Variants in ERC2 observed in about 807,000 individuals in gnomAD.
The protein encoded by ERC2 is ELKS/RAB6-interacting/CAST family member 2, also known as ERC protein 2.
In ERC2, 42 loss-of-function variants were observed where a neutral mutation model predicts 114.8. The observed-to-expected ratio is 0.37, with a 90% CI of 0.29 to 0.47. The LOEUF (loss-of-function observed/expected upper bound fraction) is 0.47, where lower values mean the gene tolerates loss of function less well. Ranked by LOEUF, ERC2 falls within the 20% of genes least tolerant of loss-of-function variation. The probability of loss-of-function intolerance (pLI) is 0.99; values close to 1 mark genes in which losing one functional copy is unlikely to be tolerated. For missense variants in ERC2, 939 were observed against 1,150.7 expected (o/e 0.82, Z 2.66); for synonymous variants, 454 against 425.5 (o/e 1.07, Z -0.82).
chr3:56,188,924 A>T (rs994269067), intron 3 of ERC2, among the ~76,000 whole-genome samples: 8 of 152,210 alleles, frequency 5.3e-5, no homozygotes, highest in African/African-American at 1.7e-4. Context: ...CACAAAATTT[A>T]ATAACATCTT....
At position 55,927,438 on chromosome 3, in the gene ERC2, T is replaced by C. The variant is rs377763321; in HGVS notation, c.2403+22987A>G. Among the ~76,000 whole-genome samples the C allele has an allele frequency of 1.2e-4, 18 of 152,294 alleles. No homozygotes were observed. The East Asian group carries it at 3.1e-3, about 26-fold the overall frequency. On this transcript the variant is annotated intron_variant, in intron 13 of 17. Coordinates refer to ENST00000288221, the MANE Select transcript of ERC2 (RefSeq NM_015576.3). ...TGCTTTTTATGGCAGGGGGTGTTTGTACTTTTTACATTTTTATTTTCAATT... is the reference window on the plus strand; with the variant it reads ...TGCTTTTTATGGCAGGGGGTGTTTGCACTTTTTACATTTTTATTTTCAATT...
chr3:56,296,381 G>A lies in ERC2; in HGVS notation c.712C>T (p.Leu238Phe). 4 of 1,613,990 alleles carry A rather than the reference G, an allele frequency of 2.5e-6. No individual in the cohort carries two copies. The highest frequency in any genetic ancestry group is 3.4e-6 in the Non-Finnish European group (4 of 1,179,888). ...CTCTCTTGCTGGAGGAGGTGGTTGAGGTCTCTCTGGGTTCGCAGCTCATCT... is the reference window on the plus strand; with the variant it reads ...CTCTCTTGCTGGAGGAGGTGGTTGAAGTCTCTCTGGGTTCGCAGCTCATCT... The part of the protein sequence containing the change: ...LQDELRTQRD[L>F]NHLLQQESGN... Residue 238 changes from leucine to phenylalanine, a missense_variant, in exon 3 of 18, where the codon CTC (leucine) becomes TTC (phenylalanine). Coordinates refer to ENST00000288221, the MANE Select transcript of ERC2 (RefSeq NM_015576.3).
intron 17 of ERC2, among the ~76,000 whole-genome samples, chr3:55,673,339 C>T (rs529766108): frequency 2.6e-5 from 4 of 152,296 alleles, no homozygotes; most frequent in Non-Finnish European, 4.4e-5. Context: ...AATCCCAGCA[C>T]TTTGGGAGGC....
intron 14 of ERC2, among the ~76,000 whole-genome samples, chr3:55,760,558 G>A (rs1270737580): frequency 6.6e-6 from 1 of 152,130 alleles, no homozygotes; most frequent in South Asian, 2.1e-4. Context: ...GAGAAAGATG[G>A]CTGAACTATA....
At chr3:56,160,990 C>T (rs893614780) in intron 4 of ERC2, among the ~76,000 whole-genome samples, 9 of 152,120 alleles carry the variant, frequency 5.9e-5, no homozygotes, top group African/African-American at 2.2e-4. Flanking sequence ...TGTTGAAATA[C>T]GATTCCCAAT....
chr3:56,040,611 A>AATATATACATGTATATGTATATATAC (rs2075104824), intron 7 of ERC2, among the ~76,000 whole-genome samples: 9 of 33,116 alleles, frequency 2.7e-4, no homozygotes, highest in Non-Finnish European at 4.3e-4. Context: ...ATGTATATAT[A>AATATATACATGTATATGTATATATAC]ATATATAGAT....
At chr3:55,799,026 T>C (rs2070757399) in intron 14 of ERC2, among the ~76,000 whole-genome samples, 1 of 152,132 alleles carries the variant, frequency 6.6e-6, no homozygotes, top group Non-Finnish European at 1.5e-5. Flanking sequence ...AAGAGGGTGG[T>C]ACACAGAGTT....
intron 14 of ERC2, among the ~76,000 whole-genome samples, chr3:55,767,019 A>C (rs116560120): frequency 1.9e-4 from 29 of 152,268 alleles, no homozygotes; most frequent in African/African-American, 7.0e-4. Context: ...TTCAACTAAC[A>C]AATATTTATT....
At chr3:56,170,501 T>G (rs1328346051) in intron 4 of ERC2, among the ~76,000 whole-genome samples, 2 of 152,006 alleles carry the variant, frequency 1.3e-5, no homozygotes, top group Admixed American at 6.6e-5. Flanking sequence ...CAATGGGGGT[T>G]GAAGCTCACC....
At chr3:55,585,674 A>G (rs1405123373) in intron 17 of ERC2, among the ~76,000 whole-genome samples, 2 of 152,164 alleles carry the variant, frequency 1.3e-5, no homozygotes, top group Non-Finnish European at 2.9e-5. Context: ...TAACAAAATC[A>G]TGTAATTGTT....
At position 56,019,039 on chromosome 3, in the gene ERC2, T is replaced by C. The variant is rs1444784928; in HGVS notation, c.1642-8A>G. 1 of 1,595,608 alleles carries C rather than the reference T, an allele frequency of 6.3e-7. No individual in the cohort carries two copies. The highest frequency in any genetic ancestry group is 1.1e-5 in the South Asian group (1 of 88,526). ...TTCTTGCAAGTTTTCAATCTAAAAA[T>C]AAAAATCAATATTTTAATGCATATT... On this transcript the variant is annotated splice_polypyrimidine_tract_variant and splice_region_variant and intron_variant, in intron 7 of 17. Coordinates refer to ENST00000288221, the MANE Select transcript of ERC2 (RefSeq NM_015576.3).
At chr3:56,410,162 A>C (rs2060887187) in intron 2 of ERC2, among the ~76,000 whole-genome samples, 1 of 152,232 alleles carries the variant, frequency 6.6e-6, no homozygotes, top group African/African-American at 2.4e-5. Flanking sequence ...GGCTTTCTTA[A>C]AAATTATATG....
At chr3:55,669,766 T>G (rs1292753427) in intron 17 of ERC2, among the ~76,000 whole-genome samples, 2 of 152,232 alleles carry the variant, frequency 1.3e-5, no homozygotes, top group Non-Finnish European at 2.9e-5. Context: ...CAGGTGGTTT[T>G]TGGTGCATAG....
At chr3:56,040,569 ATATATGTATACATATACATATATATC>A (rs1484678518) in intron 7 of ERC2, among the ~76,000 whole-genome samples, 2 of 846 alleles carry the variant, frequency 2.4e-3, no homozygotes, top group South Asian at 0.022. Flanking sequence ...ATAGAGATGT[ATATATGTATACATATACATATATATC>A]TATATATGTA....
intron 13 of ERC2, among the ~76,000 whole-genome samples, chr3:55,922,337 T>TG (rs2065477097): frequency 6.6e-6 from 1 of 151,608 alleles, no homozygotes; most frequent in Non-Finnish European, 1.5e-5. Context: ...GCCTCCACAC[T>TG]GAAAAAAAAA....
At chr3:55,799,063 A>G (rs1004014553) in intron 14 of ERC2, among the ~76,000 whole-genome samples, 2 of 152,102 alleles carry the variant, frequency 1.3e-5, no homozygotes, top group Non-Finnish European at 2.9e-5. Flanking sequence ...TCTATATAAT[A>G]TGGAAGGGGG....
chr3:56,455,963 C>G (rs912899954), intron 1 of ERC2, among the ~76,000 whole-genome samples: 4 of 151,938 alleles, frequency 2.6e-5, no homozygotes, highest in Non-Finnish European at 4.4e-5. Context: ...AGCAAGAAGA[C>G]CCCCCCAGGA....
chr3:55,563,315 C>T (rs965350802), intron 17 of ERC2, among the ~76,000 whole-genome samples: 1 of 151,118 alleles, frequency 6.6e-6, no homozygotes, highest in African/African-American at 2.4e-5. Context: ...AGTATGCATC[C>T]TGAGTGTCTT....
chr3:55,594,205 A>G (rs1317748771), intron 17 of ERC2, among the ~76,000 whole-genome samples: 1 of 152,182 alleles, frequency 6.6e-6, no homozygotes, highest in East Asian at 1.9e-4. Flanking sequence ...AAGAGATGGC[A>G]GATACATGTT....
Sources: gnomAD v4.1 joint callset for allele counts (sites outside exome capture counted in the v4.1 genomes callset) on GRCh38, gnomAD v4.1.1 for gene constraint, MANE v1.5 for transcripts, NCBI Gene and HGNC (gene_info 2026-07-23, HGNC 2026-07-21) for gene names.